Variants in PEBP4 observed in about 807,000 individuals in gnomAD.
The protein encoded by PEBP4 is phosphatidylethanolamine binding protein 4.
In PEBP4, 22 loss-of-function variants were observed where a neutral mutation model predicts 23.9. The observed-to-expected ratio is 0.92, with a 90% CI of 0.66 to 1.31. The LOEUF (loss-of-function observed/expected upper bound fraction) is 1.31. Ranked by LOEUF, PEBP4 falls within the 40% of genes most tolerant of loss-of-function variation. The pLI is 0.00. For synonymous variants in PEBP4, 112 were observed against 99.3 expected (o/e 1.13, Z -0.76); for missense variants, 324 against 281.7 (o/e 1.15, Z -1.07).
At chr8:22,745,997 G>A (rs1003381718) in intron 4 of PEBP4, among the ~76,000 whole-genome samples, 6 of 152,186 alleles carry the variant, frequency 3.9e-5, no homozygotes, top group African/African-American at 1.4e-4. Flanking sequence ...GAAAAATATG[G>A]GAGAAAGTGA....
chr8:22,860,214 A>ATATG lies in PEBP4; in HGVS notation c.259-42480_259-42479insCATA, dbSNP rs1563240382. ...TATGTATATATATATATACACATAT[A>ATATG]TGTATATATATATATGGTGCCAGAA... is the stretch of plus-strand genomic sequence containing the variant. On this transcript the variant is annotated intron_variant, in intron 3 of 6. Coordinates refer to ENST00000256404, the MANE Select transcript of PEBP4 (RefSeq NM_144962.3). 2.8e-3 allele frequency among the ~76,000 whole-genome samples: 407 copies of ATATG among 144,916 alleles called. 12 individuals are homozygous for ATATG. The highest frequency in any genetic ancestry group is 0.01 in the African/African-American group (392 of 37,630).
At chr8:22,931,607 G>A (rs1809458325), upstream of PEBP4, among the ~76,000 whole-genome samples, 7 of 151,394 alleles carry the variant, frequency 4.6e-5, no homozygotes, top group South Asian at 1.5e-3. Flanking sequence ...TTGTTTTTAG[G>A]TGGAGTCTCG....
chr8:22,775,992 G>T lies in PEBP4; in HGVS notation c.357+41645C>A, dbSNP rs920374579. On this transcript the variant is annotated intron_variant, in intron 4 of 6. Coordinates refer to ENST00000256404, the MANE Select transcript of PEBP4 (RefSeq NM_144962.3). The surrounding 1 kb of genome is among the most constrained non-coding windows in gnomAD (Gnocchi z 4.8). ...GGGGGTTGCAGATGCACACAGAGGG[G>T]TGTCTGTGTGCACCAGAGAGGCAGG... Among the ~76,000 whole-genome samples the T allele has an allele frequency of 6.6e-6, 1 of 152,148 alleles. No individual in the cohort carries two copies. The highest frequency in any genetic ancestry group is 2.4e-5 in the African/African-American group (1 of 41,432).
chr8:22,715,739 C>A (rs547783010), intron 6 of PEBP4, among the ~76,000 whole-genome samples: 2 of 152,330 alleles, frequency 1.3e-5, no homozygotes, highest in East Asian at 1.9e-4. Context: ...GAAACCCAGT[C>A]CCCGTGCCGG....
At chr8:22,927,939 T>A (rs1809387024), upstream of PEBP4, 2 of 520,562 alleles carry the variant, frequency 3.8e-6, no homozygotes, top group Non-Finnish European at 3.4e-6. Context: ...TTGGACTCAA[T>A]GTACGTTCCT....
chr8:22,876,138 G>A (rs1038532830), intron 3 of PEBP4, among the ~76,000 whole-genome samples: 28 of 152,016 alleles, frequency 1.8e-4, no homozygotes, highest in African/African-American at 6.8e-4. Flanking sequence ...CTAGAACTCC[G>A]GGCCTCAAGT....
At chr8:22,854,980 GTGTA>G (rs1382736093) in intron 3 of PEBP4, among the ~76,000 whole-genome samples, 3 of 148,134 alleles carry the variant, frequency 2.0e-5, no homozygotes, top group Non-Finnish European at 4.5e-5. Context: ...CCAAATGAGT[GTGTA>G]TGTGTGAGTA....
chr8:22,872,446 C>G (rs1289847877), intron 3 of PEBP4, among the ~76,000 whole-genome samples: 1 of 152,204 alleles, frequency 6.6e-6, no homozygotes, highest in Non-Finnish European at 1.5e-5. Context: ...CTGGCTGCAG[C>G]CCTGTGCAGT....
rs1807892863 is a variant in PEBP4, at chr8:22,865,953, T to G, written c.259-48218A>C. The stretch of plus-strand genomic sequence containing the variant: ...GGTGTGGCCCGGCGCCGGGCGGTGC[T>G]GCCCGGAGAGCGCGCAGCCCCCAGC... On this transcript the variant is annotated intron_variant, in intron 3 of 6. Coordinates refer to ENST00000256404, the MANE Select transcript of PEBP4 (RefSeq NM_144962.3). The surrounding 1 kb of genome is among the most constrained non-coding windows in gnomAD (Gnocchi z 6.9). 6.6e-6 allele frequency among the ~76,000 whole-genome samples: 1 copy of G among 151,826 alleles called. No individual in the cohort carries two copies. Among genetic ancestry groups the G allele is most frequent in the Admixed American group, 6.5e-5 (1 of 15,270 alleles).
At chr8:22,864,173 A>G (rs1807835800) in intron 3 of PEBP4, among the ~76,000 whole-genome samples, 1 of 152,206 alleles carries the variant, frequency 6.6e-6, no homozygotes, top group African/African-American at 2.4e-5. Context: ...CTTTTGCATG[A>G]TTAATTCCAA....
At chr8:22,867,896 C>T (rs1807937497) in intron 3 of PEBP4, among the ~76,000 whole-genome samples, 1 of 152,120 alleles carries the variant, frequency 6.6e-6, no homozygotes, top group South Asian at 2.1e-4. Context: ...CCTGGGTTAC[C>T]AATATTAGAG....
intron 3 of PEBP4, among the ~76,000 whole-genome samples, chr8:22,822,230 G>A (rs1806874267): frequency 6.6e-6 from 1 of 152,046 alleles, no homozygotes; most frequent in Non-Finnish European, 1.5e-5. Context: ...CCCAGAAGAA[G>A]CTGTAAACCA....
Position 22,713,317 on chromosome 8 carries a change from C to T in PEBP4, c.*53G>A. On this transcript the variant is annotated 3_prime_UTR_variant, in exon 7 of 7. Coordinates refer to ENST00000256404, the MANE Select transcript of PEBP4 (RefSeq NM_144962.3). Reference sequence around the variant, plus strand: ...GTATCCAGAGGGGGTTCCATACCCACATCGTCGGTGGTGGGCAGTGTGGCC... The same window carrying T: ...GTATCCAGAGGGGGTTCCATACCCATATCGTCGGTGGTGGGCAGTGTGGCC... The T allele has an allele frequency of 6.6e-7, 1 of 1,519,086 alleles. No homozygotes were observed. 94.1% of individuals were successfully genotyped at this position (1,519,086 alleles called of 1,614,324 possible). A position where few individuals can be genotyped will look rare whatever the true frequency, so the allele number is the denominator to read the frequency against.
At chr8:22,918,992 T>G (rs921654059) in intron 3 of PEBP4, among the ~76,000 whole-genome samples, 2 of 152,182 alleles carry the variant, frequency 1.3e-5, no homozygotes, top group Non-Finnish European at 2.9e-5. Flanking sequence ...AAAGGGTGTT[T>G]GTCGTGTTTG....
intron 2 of PEBP4, among the ~76,000 whole-genome samples, chr8:22,926,339 TTTG>T (rs762590447): frequency 9.9e-5 from 15 of 151,814 alleles, no homozygotes; most frequent in East Asian, 1.9e-4. Context: ...TTTGTTACTT[TTTG>T]TTGTTGTTGT....
chr8:22,921,463 G>A (rs1368304560), intron 2 of PEBP4, among the ~76,000 whole-genome samples: 1 of 152,228 alleles, frequency 6.6e-6, no homozygotes, highest in Non-Finnish European at 1.5e-5. Flanking sequence ...CCTGGGGCCT[G>A]GGAGTAGGCC....
chr8:22,858,358 TATC>T (rs1178961754), intron 3 of PEBP4, among the ~76,000 whole-genome samples: 1 of 152,250 alleles, frequency 6.6e-6, no homozygotes, highest in Non-Finnish European at 1.5e-5. Flanking sequence ...GGTTAACCCT[TATC>T]ATCAATCTCA....
intron 4 of PEBP4, among the ~76,000 whole-genome samples, chr8:22,796,759 C>G (rs1806268353): frequency 6.6e-6 from 1 of 152,056 alleles, no homozygotes; most frequent in Admixed American, 6.5e-5. Flanking sequence ...CATGGACATA[C>G]AGAGAAGAAT....
chr8:22,796,517 C>A (rs1411719567), intron 4 of PEBP4, among the ~76,000 whole-genome samples: 1 of 152,202 alleles, frequency 6.6e-6, no homozygotes, highest in Non-Finnish European at 1.5e-5. Context: ...GGGCAGCCCT[C>A]TGTGCTGGCT....
Sources: gnomAD v4.1 joint callset for allele counts (sites outside exome capture counted in the v4.1 genomes callset) on GRCh38, gnomAD v4.1.1 for gene constraint, Gnocchi (gnomAD v3.1) non-coding constraint, MANE v1.5 for transcripts, NCBI Gene and HGNC (gene_info 2026-07-23, HGNC 2026-07-21) for gene names.